The following RYR2 variants were observed in gnomAD, a reference collection of about 807,000 sequenced individuals.
RYR2 encodes the protein cardiac muscle ryanodine receptor-calcium release channel.
Under a neutral mutation model 601.1 loss-of-function variants are expected in RYR2, and 227 were observed. The observed-to-expected ratio is 0.38, with a 90% CI of 0.34 to 0.42. The LOEUF is 0.42. Ranked by LOEUF, RYR2 falls within the 10% of genes least tolerant of loss-of-function variation. The probability of loss-of-function intolerance (pLI) is 1.00; values close to 1 mark genes in which losing one functional copy is unlikely to be tolerated. For missense variants in RYR2, 4,646 were observed against 6,156.5 expected, an observed-to-expected ratio of 0.75 and a Z score of 8.21; for synonymous variants, 2,223 against 2,175.1, an observed-to-expected ratio of 1.02 and a Z score of -0.61.
chr1:237,568,735 C>A (rs1397220798), intron 28 of RYR2, among the ~76,000 whole-genome samples: 1 of 152,082 alleles, frequency 6.6e-6, no homozygotes, highest in African/African-American at 2.4e-5. Flanking sequence ...CAGCTTGATT[C>A]CCTAGCTCAT....
At chr1:237,800,868 T>G (rs1264839845) in intron 97 of RYR2, among the ~76,000 whole-genome samples, 1 of 152,026 alleles carries the variant, frequency 6.6e-6, no homozygotes, top group Non-Finnish European at 1.5e-5. Context: ...CACAGACAAG[T>G]GAGAGAGGCA....
At chr1:237,667,296 A>G (rs1006939093) in intron 57 of RYR2, among the ~76,000 whole-genome samples, 4 of 152,230 alleles carry the variant, frequency 2.6e-5, no homozygotes, top group African/African-American at 9.6e-5. Flanking sequence ...TAAAATTTAC[A>G]TATTGTTAAA....
intron 17 of RYR2, among the ~76,000 whole-genome samples, chr1:237,489,928 C>G (rs952778013): frequency 1.3e-5 from 2 of 152,118 alleles, no homozygotes; most frequent in African/African-American, 4.8e-5. Flanking sequence ...AATGTGGTAC[C>G]TATGCGTCAT....
At chr1:237,102,376 A>G (rs1249047574) in intron 1 of RYR2, among the ~76,000 whole-genome samples, 1 of 152,206 alleles carries the variant, frequency 6.6e-6, no homozygotes, top group Non-Finnish European at 1.5e-5. Context: ...GCACACACAC[A>G]TACACAGCAG....
intron 12 of RYR2, among the ~76,000 whole-genome samples, chr1:237,425,741 A>T (rs1706087431): frequency 1.3e-5 from 2 of 151,734 alleles, no homozygotes. Context: ...GCTGAGGAGG[A>T]GGAGGAGGAA....
chr1:237,624,513 T>C (rs1679435142), intron 39 of RYR2, among the ~76,000 whole-genome samples: 1 of 152,196 alleles, frequency 6.6e-6, no homozygotes, highest in African/African-American at 2.4e-5. Flanking sequence ...GTAACCTCAA[T>C]GAAGCTGTTT....
At chr1:237,559,722 T>A (rs371657587) in intron 27 of RYR2, among the ~76,000 whole-genome samples, 1 of 152,254 alleles carries the variant, frequency 6.6e-6, no homozygotes, top group East Asian at 1.9e-4. Context: ...TCTTTTTGCA[T>A]GTCTCACAAT....
intron 1 of RYR2, among the ~76,000 whole-genome samples, chr1:237,048,734 G>C (rs1238162223): frequency 2.6e-5 from 4 of 152,146 alleles, no homozygotes; most frequent in Non-Finnish European, 5.9e-5. Context: ...CTCTGACCCT[G>C]ATGCTCTGTG....
At chr1:237,304,155 G>T (rs1693645846) in intron 2 of RYR2, among the ~76,000 whole-genome samples, 2 of 152,122 alleles carry the variant, frequency 1.3e-5, no homozygotes, top group South Asian at 4.1e-4. Context: ...CTACATGGAT[G>T]AGTCAGACTT....
At chr1:237,285,314 A>G (rs570949406) in intron 2 of RYR2, among the ~76,000 whole-genome samples, 2 of 152,272 alleles carry the variant, frequency 1.3e-5, no homozygotes, top group African/African-American at 2.4e-5. Context: ...AATTCTGTTT[A>G]TATGGTATAT....
At chr1:237,159,671 A>G (rs1675794715) in intron 1 of RYR2, among the ~76,000 whole-genome samples, 1 of 152,188 alleles carries the variant, frequency 6.6e-6, no homozygotes, top group African/African-American at 2.4e-5. Flanking sequence ...CCTGTACCAC[A>G]ACTACTACTA....
At chr1:237,706,540 AG>A (rs1350730943) in intron 67 of RYR2, among the ~76,000 whole-genome samples, 1 of 152,170 alleles carries the variant, frequency 6.6e-6, no homozygotes, top group Non-Finnish European at 1.5e-5. Flanking sequence ...GAGGTATTAC[AG>A]GGCTGAAAAT....
intron 79 of RYR2, among the ~76,000 whole-genome samples, chr1:237,739,008 G>T (rs1691382539): frequency 6.6e-6 from 1 of 152,090 alleles, no homozygotes; most frequent in Non-Finnish European, 1.5e-5. Flanking sequence ...CAACCAAATG[G>T]GTATGAAATG....
intron 27 of RYR2, among the ~76,000 whole-genome samples, chr1:237,565,187 CTTTCTTTCTT>C (rs1671908195): frequency 1.4e-5 from 1 of 70,118 alleles, no homozygotes; most frequent in African/African-American, 4.6e-5. Flanking sequence ...TTCTTTCTTT[CTTTCTTTCTT>C]TCTTTCTTTC....
chr1:237,749,191 G>A (rs1266741530), intron 80 of RYR2, among the ~76,000 whole-genome samples: 3 of 152,154 alleles, frequency 2.0e-5, no homozygotes, highest in Non-Finnish European at 4.4e-5. Context: ...TTATACAGGA[G>A]CAGATTATGT....
At chr1:237,463,096 A>G (rs1659667011) in intron 16 of RYR2, among the ~76,000 whole-genome samples, 1 of 152,072 alleles carries the variant, frequency 6.6e-6, no homozygotes, top group South Asian at 2.1e-4. Context: ...TGTTTGTTTA[A>G]TGGGTTTTAT....
chr1:237,246,100 C>A (rs1027287662), intron 1 of RYR2, among the ~76,000 whole-genome samples: 23 of 149,296 alleles, frequency 1.5e-4, no homozygotes, highest in African/African-American at 5.7e-4. Flanking sequence ...CTTTCCTTTT[C>A]TTTTTATTTT....
intron 1 of RYR2, among the ~76,000 whole-genome samples, chr1:237,125,000 T>C (rs1671250718): frequency 6.6e-6 from 1 of 152,230 alleles, no homozygotes; most frequent in Admixed American, 6.5e-5. Context: ...ACCAGCCGTT[T>C]TGAAGGCTGA....
intron 25 of RYR2, among the ~76,000 whole-genome samples, chr1:237,535,605 A>G (rs1342690991): frequency 6.6e-6 from 1 of 152,130 alleles, no homozygotes; most frequent in East Asian, 1.9e-4. Context: ...TTCTGATGAT[A>G]TGATTTTCAT....
Sources: gnomAD v4.1 joint callset for allele counts (sites outside exome capture counted in the v4.1 genomes callset) on GRCh38, gnomAD v4.1.1 for gene constraint, MANE v1.5 for transcripts, NCBI Gene and HGNC (gene_info 2026-07-23, HGNC 2026-07-21) for gene names.